The following RBP4 variants were observed in gnomAD, a reference collection of about 807,000 sequenced individuals.
RBP4 encodes retinol-binding protein 4.
RBP4 carries 9 observed loss-of-function variants against 26.2 expected under a neutral mutation model. That is an observed-to-expected ratio of 0.34 (90% CI 0.21 to 0.60). The LOEUF is 0.60. Ranked by LOEUF, RBP4 falls within the 20% of genes least tolerant of loss-of-function variation. RBP4 has a pLI of 0.80. For missense variants in RBP4, 244 were observed against 271.3 expected, an observed-to-expected ratio of 0.90 and a Z score of 0.71; for synonymous variants, 114 against 111.0, an observed-to-expected ratio of 1.03 and a Z score of -0.17.
chr10:93,601,331 G>A (rs566841927), upstream of RBP4: 2 of 1,225,266 alleles, frequency 1.6e-6, no homozygotes, highest in South Asian at 3.8e-5. Context: ...GGGAGGCGCC[G>A]GGGGCACTTG....
chr10:93,598,781 A>G (rs985670731), intron 4 of RBP4, among the ~76,000 whole-genome samples: 2 of 152,222 alleles, frequency 1.3e-5, no homozygotes, highest in Non-Finnish European at 2.9e-5. Flanking sequence ...GCTATAGAAC[A>G]TATGTGTTTC....
chr10:93,601,564 G>A, upstream of RBP4: 1 of 670,556 alleles, frequency 1.5e-6, no homozygotes, highest in Non-Finnish European at 2.7e-6. Context: ...CAGGAGGCTC[G>A]AGTCAACCTG....
chr10:93,598,165 G>A (rs1226636826), intron 4 of RBP4, among the ~76,000 whole-genome samples: 1 of 152,140 alleles, frequency 6.6e-6, no homozygotes, highest in Non-Finnish European at 1.5e-5. Context: ...GTCTCCATGG[G>A]TCCTCCCATT....
In RBP4 at chr10:93,600,792, G is replaced by A. The variant is rs575021397; in HGVS notation, c.123C>T (p.Thr41=). 2 of 1,611,486 alleles carry A rather than the reference G, an allele frequency of 1.2e-6. No individual in the cohort carries two copies. Among genetic ancestry groups the A allele is most frequent in the East Asian group, 2.2e-5 (1 of 44,752 alleles). The part of the protein sequence containing the change: ...ENFDKARFSG[T]WYAMAKKDPE... ...GGTCCTTCTTGGCCATGGCGTACCA[G>A]GTCCCAGAGAACTGTGAGAAGGATG... The change falls in exon 3 of 6, where the codon ACC becomes ACT. Residue 41 remains threonine (T), a synonymous_variant. Coordinates refer to ENST00000371464, the MANE Select transcript of RBP4 (RefSeq NM_006744.4).
chr10:93,600,919 C>G lies in RBP4; in HGVS notation c.110G>C (p.Arg37Pro). 4 of 1,612,390 alleles carry G rather than the reference C, an allele frequency of 2.5e-6. No homozygotes were observed. The highest frequency in any genetic ancestry group is 3.4e-6 in the Non-Finnish European group (4 of 1,179,744). The change falls in exon 2 of 6, where the codon CGC becomes CCC. Residue 37 changes from arginine to proline, a missense_variant and splice_region_variant. Physicochemically the swap from Arg to Pro is moderately radical, Grantham distance 103. Transcript: ENST00000371464. The part of the protein sequence containing the change: ...FRVKENFDKA[R>P]FSGTWYAMAK... ...TGGGCCCCCTGGGCCGATACCTACG[C>G]GAGCCTTGTCGAAGTTCTCCTTGAC...
At chr10:93,600,223 G>T (rs1484903186) in intron 4 of RBP4, among the ~76,000 whole-genome samples, 170 bp downstream of exon 4, 1 of 152,188 alleles carries the variant, frequency 6.6e-6, no homozygotes, top group Admixed American at 6.5e-5. Flanking sequence ...GTAGGTAGCT[G>T]CTCCCAATCT....
intron 4 of RBP4, among the ~76,000 whole-genome samples, chr10:93,599,147 G>A (rs2058319628): frequency 6.6e-6 from 1 of 152,042 alleles, no homozygotes; most frequent in African/African-American, 2.4e-5. Context: ...TACTCAGGAG[G>A]CTGAGGTGGT....
rs1331074048 is a variant in RBP4 at position 93,600,800 on chromosome 10, A to G, written c.115T>C (p.Ser39Pro). 1 of 1,604,420 alleles carries G rather than the reference A, an allele frequency of 6.2e-7. No individual in the cohort carries two copies. Among genetic ancestry groups the G allele is most frequent in the South Asian group, 1.1e-5 (1 of 90,226 alleles). ...VKENFDKARF[S>P]GTWYAMAKKD... The stretch of plus-strand genomic sequence containing the variant: ...TTGGCCATGGCGTACCAGGTCCCAG[A>G]GAACTGTGAGAAGGATGACAGCAGG... Residue 39 changes from serine (S) to proline (P), a missense_variant, in exon 3 of 6, where the codon TCT becomes CCT. Transcript: ENST00000371464.
intron 4 of RBP4, among the ~76,000 whole-genome samples, chr10:93,600,012 G>T (rs987612317): frequency 6.6e-6 from 1 of 152,176 alleles, no homozygotes; most frequent in Non-Finnish European, 1.5e-5. Flanking sequence ...GCCCCAGATA[G>T]TCAAGCTGTC....
rs76473948 is a variant in RBP4 at position 93,598,892 on chromosome 10, T to C, written c.355+1501A>G. ...TCTAAATAAATCACTTTGGGATGTT[T>C]TGCTGCACTATTTGAAATAATTTTT... On this transcript the variant is annotated intron_variant, in intron 4 of 5. Coordinates refer to ENST00000371464, the MANE Select transcript of RBP4 (RefSeq NM_006744.4). Among the ~76,000 whole-genome samples the C allele has an allele frequency of 2.4e-3, 362 of 152,366 alleles. 8 individuals are homozygous for C. The East Asian group carries it at 0.056, about 24-fold the overall frequency.
chr10:93,597,802 G>C (rs901718720), intron 4 of RBP4, among the ~76,000 whole-genome samples: 3 of 152,202 alleles, frequency 2.0e-5, no homozygotes, highest in African/African-American at 7.2e-5. Context: ...GCAGTGTGTG[G>C]AGCAGGGGAG....
At position 93,592,080 on chromosome 10, in the gene RBP4, A is replaced by G; in HGVS notation, c.601T>C (p.Leu201=). The G allele has an allele frequency of 4.3e-6, 7 of 1,613,962 alleles. No homozygotes were observed. The highest frequency in any genetic ancestry group is 5.9e-6 in the Non-Finnish European group (7 of 1,179,816). Residue 201 remains leucine, a synonymous_variant, in exon 6 of 6, where the codon TTG becomes CTG. Transcript: ENST00000371464. The part of the protein sequence containing the change: ...YCDGRSERNL[L] ...AAACTAGATTCTTGATATTGCTACA[A>G]AAGGTTTCTTTCTGATCTGCCATCG...
chr10:93,600,848 GGCGGGCC>G, intron 2 of RBP4, 45 bp from the exon 3 acceptor site: 3 of 1,599,334 alleles, frequency 1.9e-6, no homozygotes, highest in Non-Finnish European at 2.6e-6. Flanking sequence ...GGGGGCGCAC[GGCGGGCC>G]GCGGGGAGGG....
At chr10:93,601,304 G>C, upstream of RBP4, 2 of 1,218,212 alleles carry the variant, frequency 1.6e-6, no homozygotes, top group Non-Finnish European at 1.0e-6. Context: ...GTAACCGCGC[G>C]GGGTGAAAGA....
At chr10:93,601,522 T>C, upstream of RBP4, 1 of 678,586 alleles carries the variant, frequency 1.5e-6, no homozygotes, top group South Asian at 1.9e-5. Context: ...CCAGCTGCGG[T>C]CTAGGGTGGC....
intron 5 of RBP4, 132 bp from the exon 6 acceptor site, chr10:93,592,244 G>T: frequency 1.3e-6 from 1 of 787,662 alleles, no homozygotes; most frequent in Non-Finnish European, 2.2e-6. Flanking sequence ...ACAGCAGATT[G>T]CAACCCTTAC....
At chr10:93,600,644 C>A in intron 3 of RBP4, 23 bp downstream of exon 3, 3 of 1,612,116 alleles carry the variant, frequency 1.9e-6, no homozygotes, top group Non-Finnish European at 2.5e-6. Flanking sequence ...GCAAAGGGCG[C>A]AGCTGCCCCG....
rs563825389 is a variant in RBP4 at position 93,594,151 on chromosome 10, C to T, written c.356-116G>A. 2.2e-5 allele frequency: 22 copies of T among 1,005,046 alleles called. No individual in the cohort carries two copies. The Admixed American group carries it at 4.0e-4, about 18-fold the overall frequency. 62.3% of individuals were successfully genotyped at this position (1,005,046 alleles called of 1,614,324 possible). Reference sequence around the variant, plus strand: ...TGACTTCCAGAAGCTGGTTTTATTTCTTTAGGAAGCAGGACACTTCAGAGA... The same window carrying T: ...TGACTTCCAGAAGCTGGTTTTATTTTTTTAGGAAGCAGGACACTTCAGAGA... On this transcript the variant is annotated intron_variant, in intron 4 of 5. Coordinates refer to ENST00000371464, the MANE Select transcript of RBP4 (RefSeq NM_006744.4).
At chr10:93,599,159 G>C (rs1312028418) in intron 4 of RBP4, among the ~76,000 whole-genome samples, 1 of 152,040 alleles carries the variant, frequency 6.6e-6, no homozygotes, top group Admixed American at 6.5e-5. Flanking sequence ...TGAGGTGGTA[G>C]GATGGCTTGA....
Sources: allele counts gnomAD v4.1 joint callset (sites outside exome capture counted in the v4.1 genomes callset), GRCh38; gene constraint gnomAD v4.1.1; transcripts MANE v1.5; gene names NCBI Gene and HGNC (gene_info 2026-07-23, HGNC 2026-07-21).